The following GPCPD1 variants were observed in gnomAD, a reference collection of about 807,000 sequenced individuals.
GPCPD1 encodes glycerophosphocholine phosphodiesterase 1, also known as glycerophosphocholine phosphodiesterase GPCPD1.
GPCPD1 carries 29 observed loss-of-function variants against 89.2 expected under a neutral mutation model. The ratio of observed to expected loss-of-function variants is 0.33; its 90% confidence interval spans 0.24 to 0.44. GPCPD1 has a LOEUF of 0.44. Ranked by LOEUF, GPCPD1 falls within the 20% of genes least tolerant of loss-of-function variation. GPCPD1 has a pLI of 1.00. For missense variants in GPCPD1, 594 were observed against 808.9 expected, an observed-to-expected ratio of 0.73 and a Z score of 3.22; for synonymous variants, 258 against 266.3, an observed-to-expected ratio of 0.97 and a Z score of 0.30.
intron 6 of GPCPD1, among the ~76,000 whole-genome samples, chr20:5,580,666 C>A (rs1233556124): frequency 6.8e-6 from 1 of 147,430 alleles, no homozygotes. Context: ...GCAGAGCTTG[C>A]AGTGAGCCGA....
intron 4 of GPCPD1, among the ~76,000 whole-genome samples, chr20:5,592,313 C>T (rs560442867): frequency 3.9e-5 from 6 of 152,268 alleles, no homozygotes; most frequent in African/African-American, 1.2e-4. Context: ...AAATGAGATG[C>T]CCTTTTCTTA....
chr20:5,602,557 T>C (rs1473476256), intron 2 of GPCPD1, among the ~76,000 whole-genome samples: 2 of 152,252 alleles, frequency 1.3e-5, no homozygotes, highest in Admixed American at 6.5e-5. Context: ...ATTGCTGTGA[T>C]GAATGCTAGA....
At chr20:5,594,152 TATCCACAGC>T (rs1458074737) in intron 3 of GPCPD1, among the ~76,000 whole-genome samples, 2 of 152,220 alleles carry the variant, frequency 1.3e-5, no homozygotes, top group East Asian at 3.8e-4. Context: ...AAACTAGTGC[TATCCACAGC>T]ATGGTCCCAG....
intron 6 of GPCPD1, among the ~76,000 whole-genome samples, chr20:5,582,466 C>T (rs553225707): frequency 1.8e-4 from 27 of 152,172 alleles, no homozygotes; most frequent in African/African-American, 6.3e-4. Flanking sequence ...AACATTCAGG[C>T]CTGTTCTTTC....
intron 10 of GPCPD1, among the ~76,000 whole-genome samples, chr20:5,574,384 T>C (rs979756242): frequency 6.6e-5 from 10 of 152,072 alleles, no homozygotes; most frequent in African/African-American, 2.4e-4. Context: ...ACACACAGGA[T>C]AGAAGTATGG....
intron 1 of GPCPD1, among the ~76,000 whole-genome samples, chr20:5,606,289 A>C (rs1210080169): frequency 1.3e-5 from 2 of 151,972 alleles, no homozygotes; most frequent in Non-Finnish European, 2.9e-5. Context: ...AACACCCCTC[A>C]AAAAAACCTT....
At position 5,570,169 on chromosome 20, in the gene GPCPD1, G is replaced by GT; in HGVS notation, c.1126dup (p.Thr376AsnfsTer11). ...TACCTTTTTCATAGTCAAACAACAG[G>GT]TAAGATCATGATATACCACGGGCAC... On this transcript the variant is annotated frameshift_variant, in exon 12 of 20. Coordinates refer to ENST00000379019, the MANE Select transcript of GPCPD1 (RefSeq NM_019593.5). LOFTEE classifies it high-confidence loss of function. The GT allele has an allele frequency of 6.4e-7, 1 of 1,560,650 alleles. No homozygotes were observed. Among genetic ancestry groups the GT allele is most frequent in the Non-Finnish European group, 8.8e-7 (1 of 1,133,872 alleles).
In GPCPD1 at chr20:5,604,406, G is replaced by A. The variant is rs76150038; in HGVS notation, c.7C>T (p.Pro3Ser). ...CTTATTTCAAAGGCAACCTGAGAAG[G>A]TGTCATTCTGATGGATTTATTTTAT... MTPSQVAFEIRGT... is the reference protein window; with the variant it reads MTSSQVAFEIRGT... Residue 3 changes from proline (P) to serine (S), a missense_variant, in exon 2 of 20, where the codon CCT becomes TCT. Transcript: ENST00000379019. 1.7e-3 allele frequency: 2,727 copies of A among 1,563,662 alleles called. 6 individuals are homozygous for A. Among genetic ancestry groups the A allele is most frequent in the Non-Finnish European group, 2.0e-3 (2,315 of 1,138,662 alleles).
rs200371769 is a variant in GPCPD1 at position 5,547,800 on chromosome 20, A to C, written c.1880T>G (p.Leu627Trp). Residue 627 changes from leucine to tryptophan, a missense_variant, in exon 20 of 20, where the codon TTG (leucine) becomes TGG (tryptophan). By Grantham distance (61) the Leu-to-Trp change is moderately conservative. Coordinates refer to ENST00000379019, the MANE Select transcript of GPCPD1 (RefSeq NM_019593.5). ...TGGCAATTCCTGCTTCAGGCGTTCC[A>C]ATTGCTCCACTTGGAATATATTTGG... ...EQPNIFQVEQ[L>W]ERLKQELPEL... 53 of 1,610,606 alleles carry C rather than the reference A, an allele frequency of 3.3e-5. No homozygotes were observed. Among genetic ancestry groups the C allele is most frequent in the Non-Finnish European group, 1.0e-5 (12 of 1,177,346 alleles).
intron 19 of GPCPD1, among the ~76,000 whole-genome samples, chr20:5,555,701 C>T (rs896524951): frequency 6.6e-5 from 10 of 151,958 alleles, no homozygotes; most frequent in Non-Finnish European, 1.3e-4. Flanking sequence ...AGTAAAAATA[C>T]AAAAATTAGC....
At chr20:5,597,519 T>C (rs1472027957) in intron 3 of GPCPD1, among the ~76,000 whole-genome samples, 1 of 152,242 alleles carries the variant, frequency 6.6e-6, no homozygotes, top group African/African-American at 2.4e-5. Context: ...TTGATTTTTT[T>C]AAAAGTCTTT....
In GPCPD1 at chr20:5,558,678, A is replaced by C; in HGVS notation, c.1668+6T>G. On this transcript the variant is annotated splice_donor_region_variant and intron_variant, in intron 18 of 19. Coordinates refer to ENST00000379019, the MANE Select transcript of GPCPD1 (RefSeq NM_019593.5). The stretch of plus-strand genomic sequence containing the variant: ...TTAAAAAGATAAAAATTCAAACATA[A>C]CTTACCAGTAGATTTTCAAACTGTG... The C allele has an allele frequency of 6.6e-7, 1 of 1,521,758 alleles. No homozygotes were observed. The highest frequency in any genetic ancestry group is 8.9e-7 in the Non-Finnish European group (1 of 1,119,534). The allele number at this position is 1,521,758 out of a possible 1,614,324, so 94.3% of individuals were successfully genotyped here.
chr20:5,593,159 T>C (rs1258278817), intron 4 of GPCPD1, among the ~76,000 whole-genome samples, 168 bp downstream of exon 4: 1 of 152,238 alleles, frequency 6.6e-6, no homozygotes, highest in Non-Finnish European at 1.5e-5. Flanking sequence ...AGACATCATC[T>C]GCCTCTGAAG....
chr20:5,569,526 C>G (rs1986589494), intron 12 of GPCPD1, among the ~76,000 whole-genome samples: 1 of 151,734 alleles, frequency 6.6e-6, no homozygotes, highest in South Asian at 2.1e-4. Flanking sequence ...GCCCTCTTCT[C>G]CATTCTTCTG....
At chr20:5,552,009 T>C (rs190784809) in intron 19 of GPCPD1, among the ~76,000 whole-genome samples, 4 of 152,242 alleles carry the variant, frequency 2.6e-5, no homozygotes, top group Non-Finnish European at 5.9e-5. Flanking sequence ...TATTTAGAAA[T>C]AGAGGTAACT....
In GPCPD1 at chr20:5,545,413, A is replaced by G. The variant is rs1011686041; in HGVS notation, c.*2248T>C. On this transcript the variant is annotated 3_prime_UTR_variant, in exon 20 of 20. Transcript: ENST00000379019. ...AATTACTGTGATGCACAGCCTGATC[A>G]AGGTACGAGCCGTGGAGCACAAAGA... 6.6e-6 allele frequency: 1 copy of G among 152,320 alleles called. No individual in the cohort carries two copies. Among genetic ancestry groups the G allele is most frequent in the East Asian group, 1.9e-4 (1 of 5,172 alleles). The allele number at this position is 152,320 out of a possible 1,614,324, so 9.4% of individuals were successfully genotyped here.
At chr20:5,608,159 G>C (rs78797190) in intron 1 of GPCPD1, among the ~76,000 whole-genome samples, 137 of 152,294 alleles carry the variant, frequency 9.0e-4, no homozygotes, top group African/African-American at 2.4e-3. Context: ...GAAAACTTAA[G>C]TAAATATAAT....
chr20:5,580,106 T>C lies in GPCPD1; in HGVS notation c.375A>G (p.Gly125=). 1 of 1,496,690 alleles carries C rather than the reference T, an allele frequency of 6.7e-7. No individual in the cohort carries two copies. The highest frequency in any genetic ancestry group is 2.3e-5 in the East Asian group (1 of 44,228). 92.7% of individuals were successfully genotyped at this position (1,496,690 alleles called of 1,614,324 possible). A position where few individuals can be genotyped will look rare whatever the true frequency, so the allele number is the denominator to read the frequency against. ...TTATTTCAGTCTGACATGTCAGCCA[T>C]CCAGAATCCAGAGTTTCAACACCAT... ...IHNGVETLDS[G]WLTCQTEIRL... The change falls in exon 7 of 20, where the codon GGA becomes GGG. Residue 125 remains glycine, a synonymous_variant. Coordinates refer to ENST00000379019, the MANE Select transcript of GPCPD1 (RefSeq NM_019593.5).
intron 4 of GPCPD1, among the ~76,000 whole-genome samples, chr20:5,588,519 A>T (rs1159151512): frequency 1.3e-5 from 2 of 150,970 alleles, no homozygotes; most frequent in African/African-American, 4.9e-5. Context: ...AAAAGTCGCA[A>T]ATACATACAT....
Sources: gnomAD v4.1 joint callset for allele counts (sites outside exome capture counted in the v4.1 genomes callset) on GRCh38, gnomAD v4.1.1 for gene constraint, MANE v1.5 for transcripts, NCBI Gene and HGNC (gene_info 2026-07-23, HGNC 2026-07-21) for gene names.